Variants in TOP1 observed in about 807,000 individuals in gnomAD.
The protein encoded by TOP1 is DNA topoisomerase 1.
Under a neutral mutation model 111.1 loss-of-function variants are expected in TOP1, and 10 were observed. That is an observed-to-expected ratio of 0.09 (90% CI 0.06 to 0.15). TOP1 has a LOEUF of 0.15. Ranked by LOEUF, TOP1 falls within the 10% of genes least tolerant of loss-of-function variation. The probability of loss-of-function intolerance (pLI) is 1.00; values close to 1 mark genes in which losing one functional copy is unlikely to be tolerated. For missense variants in TOP1, 474 were observed against 926.7 expected (o/e 0.51, Z 6.34); for synonymous variants, 271 against 302.9 (o/e 0.89, Z 1.10).
In TOP1 at chr20:41,086,510, A is replaced by C. The variant is rs77882948; in HGVS notation, c.614+1942A>C. 6.3e-3 allele frequency among the ~76,000 whole-genome samples: 959 copies of C among 152,348 alleles called. 15 individuals are homozygous for C. Among genetic ancestry groups the C allele is most frequent in the African/African-American group, 0.022 (907 of 41,576 alleles). ...GTTAAATGAACAAATACATTTCCTTATCAGGAGCTCCCTGCTGTCTCCCCT... is the reference window on the plus strand; with the variant it reads ...GTTAAATGAACAAATACATTTCCTTCTCAGGAGCTCCCTGCTGTCTCCCCT... On this transcript the variant is annotated intron_variant, in intron 8 of 20. Transcript: ENST00000361337.
At position 41,054,831 on chromosome 20, in the gene TOP1, TTTTC is replaced by T. The variant is rs575646185; in HGVS notation, c.59-6555_59-6552del. Among the ~76,000 whole-genome samples the T allele has an allele frequency of 7.9e-5, 12 of 152,346 alleles. No homozygotes were observed. The East Asian group carries it at 1.9e-3, about 24-fold the overall frequency. On this transcript the variant is annotated intron_variant, in intron 2 of 20. Coordinates refer to ENST00000361337, the MANE Select transcript of TOP1 (RefSeq NM_003286.4). ...AAACAGTAGGAAAAGGATTTCTTTT[TTTTC>T]TTTCTTTTTTTTACACATTAGCCCT...
chr20:41,091,301 A>G (rs1214930551), intron 8 of TOP1, among the ~76,000 whole-genome samples: 2 of 152,198 alleles, frequency 1.3e-5, no homozygotes, highest in South Asian at 2.1e-4. Flanking sequence ...GCCAGTTGCA[A>G]TTTGTGAGCC....
chr20:41,113,724 AAAAAAAAAT>A (rs1436864567), intron 14 of TOP1, among the ~76,000 whole-genome samples: 1 of 151,360 alleles, frequency 6.6e-6, no homozygotes, highest in South Asian at 2.1e-4. Flanking sequence ...ACAAAAAAAA[AAAAAAAAAT>A]AAAAATTGGC....
Position 41,098,360 on chromosome 20 carries a change from T to C in TOP1, c.975+23T>C. 1 of 1,602,880 alleles carries C rather than the reference T, an allele frequency of 6.2e-7. No individual in the cohort carries two copies. Among genetic ancestry groups the C allele is most frequent in the East Asian group, 2.2e-5 (1 of 44,778 alleles). ...CTGGTACTACAGAATTTATTAAACC[T>C]CTGGAGAATTCTGGAATTGTGATTG... On this transcript the variant is annotated intron_variant, in intron 11 of 20. Transcript: ENST00000361337. The surrounding 1 kb of genome is among the most constrained non-coding windows in gnomAD (Gnocchi z 5.7).
intron 8 of TOP1, among the ~76,000 whole-genome samples, chr20:41,087,571 A>AATAT (rs745721918): frequency 2.5e-4 from 38 of 152,364 alleles, no homozygotes; most frequent in Admixed American, 5.9e-4. Context: ...AAGACTCATA[A>AATAT]ATATATGGTC....
chr20:41,064,896 T>TTTTG (rs531146190), intron 3 of TOP1, among the ~76,000 whole-genome samples: 50 of 151,922 alleles, frequency 3.3e-4, no homozygotes, highest in East Asian at 7.7e-4. Context: ...GGGGCTGGTT[T>TTTTG]TTTGTTTGTT....
At position 41,102,693 on chromosome 20, in the gene TOP1, T is replaced by G. The variant is rs547095181; in HGVS notation, c.1308+1340T>G. On this transcript the variant is annotated intron_variant, in intron 13 of 20. Transcript: ENST00000361337. The surrounding 1 kb of genome is among the most constrained non-coding windows in gnomAD (Gnocchi z 4.0). ...TACAAAATCAGAAAGCGAACACTTA[T>G]GTTGAGCAGACTAGTCATTTAAAGA... Among the ~76,000 whole-genome samples the G allele has an allele frequency of 6.6e-6, 1 of 152,214 alleles. No homozygotes were observed. Among genetic ancestry groups the G allele is most frequent in the South Asian group, 2.1e-4 (1 of 4,830 alleles).
chr20:41,076,542 A>G (rs1289573714), intron 4 of TOP1, among the ~76,000 whole-genome samples: 1 of 152,170 alleles, frequency 6.6e-6, no homozygotes, highest in Non-Finnish European at 1.5e-5. Context: ...ATACATTGAG[A>G]ATGCATTAGG....
chr20:41,118,992 C>A lies in TOP1; in HGVS notation c.1950+696C>A, dbSNP rs2034377921. Among the ~76,000 whole-genome samples, 1 of 152,170 alleles carries A rather than the reference C, an allele frequency of 6.6e-6. No homozygotes were observed. The highest frequency in any genetic ancestry group is 1.9e-4 in the East Asian group (1 of 5,206). On this transcript the variant is annotated intron_variant, in intron 18 of 20. Coordinates refer to ENST00000361337, the MANE Select transcript of TOP1 (RefSeq NM_003286.4). This position sits in a 1 kb window ranked among gnomAD's most constrained non-coding sequence, Gnocchi z 4.6. ...AGCAGTGACTTCATAACTAATTCAT[C>A]CTAACATGGTGGTCCACAGTGAGAA...
chr20:41,068,458 C>T (rs1028015517), intron 3 of TOP1, among the ~76,000 whole-genome samples: 20 of 152,118 alleles, frequency 1.3e-4, no homozygotes, highest in Non-Finnish European at 2.2e-4. Flanking sequence ...TAAGCTTGGG[C>T]GCGGTGGTGT....
rs56013409 is a variant in TOP1, at chr20:41,036,832, C to CT, written c.58+7393dup. Among the ~76,000 whole-genome samples, 294 of 128,194 alleles carry CT rather than the reference C, an allele frequency of 2.3e-3. 13 individuals are homozygous for CT. Among genetic ancestry groups the CT allele is most frequent in the African/African-American group, 6.2e-3 (211 of 34,166 alleles). The allele number at this position is 128,194 out of a possible 152,430, so 84.1% of individuals were successfully genotyped here. On this transcript the variant is annotated intron_variant, in intron 2 of 20. Coordinates refer to ENST00000361337, the MANE Select transcript of TOP1 (RefSeq NM_003286.4). ...AATTGTATATCTAGTTCCTACTTTT[C>CT]TTTTTTTTTTTTTTTTGAGATGGAG...
chr20:41,063,982 C>T (rs753262261), intron 3 of TOP1, among the ~76,000 whole-genome samples: 1 of 151,590 alleles, frequency 6.6e-6, no homozygotes, highest in Non-Finnish European at 1.5e-5. Context: ...GAAATCTTTG[C>T]TCGTTCCTAT....
At position 41,110,550 on chromosome 20, in the gene TOP1, C is replaced by G. The variant is rs1568703230; in HGVS notation, c.1309-2232C>G. On this transcript the variant is annotated intron_variant, in intron 13 of 20. Transcript: ENST00000361337. This position sits in a 1 kb window ranked among gnomAD's most constrained non-coding sequence, Gnocchi z 4.2. ...CACCCCCAACTTTGTAATCTTGAAT[C>G]CAGATCCTGATTCCACCCAACCACT... Among the ~76,000 whole-genome samples, 1 of 152,166 alleles carries G rather than the reference C, an allele frequency of 6.6e-6. No individual in the cohort carries two copies. The highest frequency in any genetic ancestry group is 1.5e-5 in the Non-Finnish European group (1 of 68,034).
chr20:41,045,577 CA>C (rs575688760), intron 2 of TOP1, among the ~76,000 whole-genome samples: 74 of 152,244 alleles, frequency 4.9e-4, no homozygotes, highest in African/African-American at 1.7e-3. Flanking sequence ...GCGTAGTTGA[CA>C]AAACAGATGA....
chr20:41,046,823 A>G lies in TOP1; in HGVS notation c.59-14571A>G, dbSNP rs2033340443. Among the ~76,000 whole-genome samples, 1 of 152,240 alleles carries G rather than the reference A, an allele frequency of 6.6e-6. No homozygotes were observed. The highest frequency in any genetic ancestry group is 2.4e-5 in the African/African-American group (1 of 41,462). On this transcript the variant is annotated intron_variant, in intron 2 of 20. Transcript: ENST00000361337. The surrounding 1 kb of genome is among the most constrained non-coding windows in gnomAD (Gnocchi z 4.3). ...TGATGTTGTTCCCACTTCAAGGGGA[A>G]TAAATAACAAATTTAACCAGCTTGC...
chr20:41,061,054 G>A lies in TOP1; in HGVS notation c.59-340G>A, dbSNP rs2033538344. 1.3e-5 allele frequency among the ~76,000 whole-genome samples: 2 copies of A among 152,168 alleles called. No homozygotes were observed. The highest frequency in any genetic ancestry group is 3.8e-4 in the East Asian group (2 of 5,198). ...GAAGTTATAACATCTGATCTTTAGA[G>A]TCAGTGTTCAATACTATCCCTTTGT... On this transcript the variant is annotated intron_variant, in intron 2 of 20. Coordinates refer to ENST00000361337, the MANE Select transcript of TOP1 (RefSeq NM_003286.4). This position sits in a 1 kb window ranked among gnomAD's most constrained non-coding sequence, Gnocchi z 4.6.
At chr20:41,050,329 G>GT (rs1465475574) in intron 2 of TOP1, among the ~76,000 whole-genome samples, 1 of 152,138 alleles carries the variant, frequency 6.6e-6, no homozygotes, top group Non-Finnish European at 1.5e-5. Flanking sequence ...TCATTCATCA[G>GT]TTTTTTAAGG....
intron 2 of TOP1, among the ~76,000 whole-genome samples, chr20:41,048,975 A>T (rs550596165): frequency 7.2e-5 from 11 of 152,122 alleles, no homozygotes; most frequent in Non-Finnish European, 1.3e-4. Context: ...TAAGACAGGA[A>T]GGGGTTGTGG....
In TOP1 at chr20:41,098,293, G is replaced by A; in HGVS notation, c.931G>A (p.Ala311Thr). The A allele has an allele frequency of 1.2e-6, 2 of 1,614,002 alleles. No individual in the cohort carries two copies. ...TACCCAGATGAGCCAGTATTTCAAA[G>A]CCCAGACGGAAGCTCGGAAACAGAT... The part of the protein sequence containing the change: ...DFTQMSQYFK[A>T]QTEARKQMSK... Residue 311 changes from alanine to threonine, a missense_variant, in exon 11 of 21, where the codon GCC becomes ACC. This residue lies in a region of TOP1 where 84 missense variants were observed against 119.2 expected (regional missense o/e 0.70). Transcript: ENST00000361337. The surrounding 1 kb of genome is among the most constrained non-coding windows in gnomAD (Gnocchi z 5.7).
Sources: gnomAD v4.1 joint callset for allele counts (sites outside exome capture counted in the v4.1 genomes callset) on GRCh38, gnomAD v4.1.1 for gene constraint, gnomAD v4.1.1 regional missense constraint, Gnocchi (gnomAD v3.1) non-coding constraint, MANE v1.5 for transcripts, NCBI Gene and HGNC (gene_info 2026-07-23, HGNC 2026-07-21) for gene names.